UBR2: variants seen among roughly 807,000 people sequenced by gnomAD.
UBR2 encodes ubiquitin protein ligase E3 component n-recognin 2.
In UBR2, 92 loss-of-function variants were observed where a neutral mutation model predicts 247.9. The observed-to-expected ratio is 0.37, with a 90% CI of 0.31 to 0.44. The LOEUF (loss-of-function observed/expected upper bound fraction) is 0.44, where lower values mean the gene tolerates loss of function less well. Among genes scored for constraint, UBR2 ranks in the 20% least tolerant of loss-of-function variants. The probability of loss-of-function intolerance (pLI) is 1.00; values close to 1 mark genes in which losing one functional copy is unlikely to be tolerated. For synonymous variants in UBR2, 672 were observed against 693.5 expected (o/e 0.97, Z 0.49); for missense variants, 1,613 against 2,112.6 (o/e 0.76, Z 4.64).
chr6:42,665,993 GA>G lies in UBR2; in HGVS notation c.3803-171del, dbSNP rs1428523716. 2.0e-5 allele frequency among the ~76,000 whole-genome samples: 3 copies of G among 152,286 alleles called. No homozygotes were observed. In the East Asian group the frequency reaches 5.8e-4, roughly 29 times the overall value. On this transcript the variant is annotated intron_variant, in intron 33 of 46. Coordinates refer to ENST00000372901, the MANE Select transcript of UBR2 (RefSeq NM_001363705.2). ...GTACTATAAGGAAAAGCATAGTTAA[GA>G]AAGGGCCTTGGTCAACTAGAGCAAT...
At chr6:42,582,282 C>CAAAAA (rs397887989) in intron 2 of UBR2, among the ~76,000 whole-genome samples, 41 of 85,854 alleles carry the variant, frequency 4.8e-4, no homozygotes, top group African/African-American at 1.3e-3. Flanking sequence ...GACTCCGTCT[C>CAAAAA]AAAAAAAAAA....
At chr6:42,614,427 T>TAA in intron 8 of UBR2, among the ~76,000 whole-genome samples, 1 of 84,056 alleles carries the variant, frequency 1.2e-5, no homozygotes, top group South Asian at 4.0e-4. Flanking sequence ...TACGTACATA[T>TAA]ATATGTATGT....
intron 11 of UBR2, among the ~76,000 whole-genome samples, chr6:42,624,684 G>A (rs923518868): frequency 2.0e-5 from 3 of 152,088 alleles, no homozygotes; most frequent in Non-Finnish European, 2.9e-5. Flanking sequence ...GATTGGTTGA[G>A]GAGAGCATCA....
At chr6:42,564,435 G>T (rs967991346) in intron 1 of UBR2, 38 bp downstream of exon 1, 4 of 1,589,464 alleles carry the variant, frequency 2.5e-6, no homozygotes, top group Non-Finnish European at 3.4e-6. Context: ...TCTGCCCCTC[G>T]CAGGCCGCGC....
intron 1 of UBR2, among the ~76,000 whole-genome samples, chr6:42,573,009 G>A (rs534047396): frequency 5.9e-5 from 9 of 152,116 alleles, no homozygotes; most frequent in Non-Finnish European, 8.8e-5. Context: ...GGATACCCAG[G>A]TTGAGCTGGA....
chr6:42,620,949 C>T (rs775509853), intron 11 of UBR2, among the ~76,000 whole-genome samples: 1 of 151,940 alleles, frequency 6.6e-6, no homozygotes, highest in East Asian at 1.9e-4. Context: ...GGGCTACAGG[C>T]GTGTGTGACC....
rs375806440 is a variant in UBR2 at position 42,670,745 on chromosome 6, A to G, written c.4086+30A>G. 2.1e-5 allele frequency: 33 copies of G among 1,572,460 alleles called. No individual in the cohort carries two copies. In the African/African-American group the frequency reaches 3.3e-4, roughly 16 times the overall value. ...GTTCTCAGTTTATTCAGTTCATGAT[A>G]GTGGGGCATGGAAATTAGGTGGTTC... On this transcript the variant is annotated intron_variant, in intron 36 of 46. Coordinates refer to ENST00000372901, the MANE Select transcript of UBR2 (RefSeq NM_001363705.2).
intron 5 of UBR2, 66 bp downstream of exon 5, chr6:42,603,784 T>G: frequency 6.9e-7 from 1 of 1,449,298 alleles, no homozygotes; most frequent in Non-Finnish European, 9.2e-7. Flanking sequence ...ACACAGCTAG[T>G]ATAGGGCATA....
Position 42,658,803 on chromosome 6 carries a change from C to A in UBR2, c.3221C>A (p.Thr1074Asn). Residue 1074 changes from threonine (T) to asparagine (N), a missense_variant, in exon 29 of 47, where the codon ACC (threonine) becomes AAC (asparagine). Physicochemically the swap from Thr to Asn is moderately conservative, Grantham distance 65. Transcript: ENST00000372901. Reference protein sequence around the residue: ...FQQTLELDASTSAVLDHSPVA... With the variant: ...FQQTLELDASNSAVLDHSPVA... Reference sequence around the variant, plus strand: ...CAGACATTAGAACTGGATGCCTCAACCTCTGCTGTTCTTGATCATAGGTAA... The same window carrying A: ...CAGACATTAGAACTGGATGCCTCAAACTCTGCTGTTCTTGATCATAGGTAA... 1 of 1,583,758 alleles carries A rather than the reference C, an allele frequency of 6.3e-7. No individual in the cohort carries two copies. The highest frequency in any genetic ancestry group is 2.3e-5 in the East Asian group (1 of 43,930).
chr6:42,579,654 C>T (rs1165351848), intron 2 of UBR2, among the ~76,000 whole-genome samples: 1 of 152,138 alleles, frequency 6.6e-6, no homozygotes, highest in Non-Finnish European at 1.5e-5. Context: ...GAACCATAGG[C>T]GTGTGCCACC....
intron 7 of UBR2, among the ~76,000 whole-genome samples, chr6:42,608,791 T>G (rs1793878002): frequency 6.6e-6 from 1 of 152,212 alleles, no homozygotes; most frequent in Non-Finnish European, 1.5e-5. Context: ...CTATGCATAT[T>G]CTTATTTTTT....
At chr6:42,566,425 G>A (rs747916661) in intron 1 of UBR2, among the ~76,000 whole-genome samples, 5 of 151,888 alleles carry the variant, frequency 3.3e-5, no homozygotes, top group South Asian at 2.1e-4. Context: ...TTGCTCTGTC[G>A]CCAGGCTGGA....
intron 36 of UBR2, 98 bp from the exon 37 acceptor site, chr6:42,673,692 GC>G: frequency 2.7e-6 from 2 of 745,108 alleles, no homozygotes; most frequent in Non-Finnish European, 4.7e-6. Flanking sequence ...ACCATCTAGA[GC>G]AGTTTCATTG....
chr6:42,641,128 A>T (rs1796421764), intron 16 of UBR2, among the ~76,000 whole-genome samples: 1 of 152,178 alleles, frequency 6.6e-6, no homozygotes, highest in Admixed American at 6.5e-5. Flanking sequence ...TGCTAAGTTG[A>T]TATATAAAAC....
In UBR2 at chr6:42,582,644, G is replaced by A. The variant is rs560108852; in HGVS notation, c.338+8651G>A. On this transcript the variant is annotated intron_variant, in intron 2 of 46. Coordinates refer to ENST00000372901, the MANE Select transcript of UBR2 (RefSeq NM_001363705.2). Reference sequence around the variant, plus strand: ...GTCAGACTTTTTTTTTAACAAAACAGGAAGACTGTGTTTAATACAGTATGA... The same window carrying A: ...GTCAGACTTTTTTTTTAACAAAACAAGAAGACTGTGTTTAATACAGTATGA... Among the ~76,000 whole-genome samples, 28 of 152,008 alleles carry A rather than the reference G, an allele frequency of 1.8e-4. No individual in the cohort carries two copies. In the South Asian group the frequency reaches 5.2e-3, roughly 28 times the overall value.
intron 4 of UBR2, among the ~76,000 whole-genome samples, chr6:42,601,875 C>CTTTTTTTTTTT (rs534921007): frequency 8.3e-6 from 1 of 120,078 alleles, no homozygotes; most frequent in East Asian, 2.3e-4. Context: ...TTTTTTTTTT[C>CTTTTTTTTTTT]TTTTTTTTTT....
Position 42,606,642 on chromosome 6 carries a change from A to G in UBR2, c.855A>G (p.Ser285=), listed in dbSNP as rs1348429417. 6.2e-7 allele frequency: 1 copy of G among 1,606,038 alleles called. No individual in the cohort carries two copies. Among genetic ancestry groups the G allele is most frequent in the Non-Finnish European group, 8.5e-7 (1 of 1,176,818 alleles). ...GDFQYCEQAK[S]VIVRNTSRQT... ...TTCAGTATTGTGAGCAAGCAAAATCAGTAATTGTGGTAAGTAATTTAAAAA... is the reference window on the plus strand; with the variant it reads ...TTCAGTATTGTGAGCAAGCAAAATCGGTAATTGTGGTAAGTAATTTAAAAA... Residue 285 remains serine, a synonymous_variant, in exon 7 of 47, where the codon TCA becomes TCG. Coordinates refer to ENST00000372901, the MANE Select transcript of UBR2 (RefSeq NM_001363705.2).
chr6:42,599,193 C>G (rs1316923388), intron 4 of UBR2, among the ~76,000 whole-genome samples: 18 of 152,172 alleles, frequency 1.2e-4, no homozygotes, highest in Non-Finnish European at 1.5e-5. Context: ...CTGCTCCCAT[C>G]TGTTTGAATT....
chr6:42,595,661 T>C (rs1792922524), intron 4 of UBR2, among the ~76,000 whole-genome samples: 1 of 149,694 alleles, frequency 6.7e-6, no homozygotes. Context: ...TGAAGTGGGA[T>C]CCGCTTGAGC....
Sources: allele counts gnomAD v4.1 joint callset (sites outside exome capture counted in the v4.1 genomes callset), GRCh38; gene constraint gnomAD v4.1.1; transcripts MANE v1.5; gene names NCBI Gene and HGNC (gene_info 2026-07-23, HGNC 2026-07-21).